Variants in TM9SF2 observed in about 807,000 individuals in gnomAD.
The protein encoded by TM9SF2 is 76 kDa membrane protein.
A neutral mutation model predicts 84.9 loss-of-function variants in TM9SF2; 13 were observed. That is an observed-to-expected ratio of 0.15 (90% confidence interval 0.10 to 0.24). The LOEUF (loss-of-function observed/expected upper bound fraction) is 0.24. Among genes scored for constraint, TM9SF2 ranks in the 10% least tolerant of loss-of-function variants. The pLI, the probability that TM9SF2 is intolerant of heterozygous loss-of-function variation, is 1.00. For missense variants in TM9SF2, 562 were observed against 818.5 expected, an observed-to-expected ratio of 0.69 and a Z score of 3.82; for synonymous variants, 273 against 285.8, an observed-to-expected ratio of 0.96 and a Z score of 0.45.
chr13:99,530,369 A>G (rs1485552806), intron 4 of TM9SF2, among the ~76,000 whole-genome samples: 2 of 152,252 alleles, frequency 1.3e-5, no homozygotes, highest in African/African-American at 2.4e-5. Flanking sequence ...GCTTGCAGTG[A>G]GCTGAGATCG....
chr13:99,517,491 A>G (rs2046139710), intron 1 of TM9SF2, 123 bp from the exon 2 acceptor site: 3 of 566,812 alleles, frequency 5.3e-6, no homozygotes, highest in African/African-American at 2.0e-5. Context: ...GAATTGTTTA[A>G]AGTTGACTGG....
chr13:99,516,251 T>C (rs1262089067), intron 1 of TM9SF2, among the ~76,000 whole-genome samples: 1 of 152,188 alleles, frequency 6.6e-6, no homozygotes, highest in African/African-American at 2.4e-5. Flanking sequence ...TGATTTGTTT[T>C]GATTGTACAC....
At chr13:99,518,879 G>A (rs1487586175) in intron 2 of TM9SF2, among the ~76,000 whole-genome samples, 1 of 151,274 alleles carries the variant, frequency 6.6e-6, no homozygotes, top group African/African-American at 2.4e-5. Flanking sequence ...CTCCCAAGGT[G>A]CTGGGATTAC....
chr13:99,506,044 G>A (rs1261952410), intron 1 of TM9SF2, among the ~76,000 whole-genome samples: 1 of 152,074 alleles, frequency 6.6e-6, no homozygotes, highest in Non-Finnish European at 1.5e-5. Context: ...AAATGAATTA[G>A]TTTAACAACT....
At chr13:99,528,861 A>G (rs1426933599) in intron 3 of TM9SF2, among the ~76,000 whole-genome samples, 1 of 152,200 alleles carries the variant, frequency 6.6e-6, no homozygotes, top group Non-Finnish European at 1.5e-5. Context: ...GAAGTGAACC[A>G]TGCCATTTTT....
chr13:99,516,490 C>T (rs1295619832), intron 1 of TM9SF2, among the ~76,000 whole-genome samples: 1 of 152,236 alleles, frequency 6.6e-6, no homozygotes, highest in East Asian at 1.9e-4. Flanking sequence ...GCACACGTGA[C>T]TTGCTGGCTT....
At chr13:99,504,777 A>T (rs1170523317) in intron 1 of TM9SF2, among the ~76,000 whole-genome samples, 1 of 151,922 alleles carries the variant, frequency 6.6e-6, no homozygotes, top group South Asian at 2.1e-4. Context: ...TTTTTAACTT[A>T]TTTTACATGT....
chr13:99,534,538 G>A (rs1199110781), intron 4 of TM9SF2, among the ~76,000 whole-genome samples: 1 of 152,174 alleles, frequency 6.6e-6, no homozygotes, highest in African/African-American at 2.4e-5. Flanking sequence ...TTTGCTTTGG[G>A]CTGTAATTTT....
chr13:99,526,413 T>G (rs1014901763), intron 3 of TM9SF2, among the ~76,000 whole-genome samples: 1 of 152,206 alleles, frequency 6.6e-6, no homozygotes, highest in African/African-American at 2.4e-5. Context: ...AAGATGGAGA[T>G]ACTGTTGAGC....
At chr13:99,501,919 C>A in intron 1 of TM9SF2, 142 bp downstream of exon 1, 3 of 1,197,282 alleles carry the variant, frequency 2.5e-6, no homozygotes, top group Non-Finnish European at 2.3e-6. Flanking sequence ...CTTTTGGGGT[C>A]TGCTGGGCTG....
intron 6 of TM9SF2, among the ~76,000 whole-genome samples, chr13:99,538,913 AAAC>A (rs1342140814): frequency 6.6e-6 from 1 of 151,426 alleles, no homozygotes; most frequent in Admixed American, 6.6e-5. Context: ...ACAAAACAAA[AAAC>A]AAAAAAGGCC....
At chr13:99,557,051 A>G (rs2046327755) in intron 15 of TM9SF2, among the ~76,000 whole-genome samples, 1 of 152,186 alleles carries the variant, frequency 6.6e-6, no homozygotes, top group Non-Finnish European at 1.5e-5. Context: ...GTATATATCT[A>G]GGAGTGGAAT....
intron 3 of TM9SF2, among the ~76,000 whole-genome samples, chr13:99,522,721 G>C (rs2046165845): frequency 6.6e-6 from 1 of 152,188 alleles, no homozygotes; most frequent in African/African-American, 2.4e-5. Context: ...GTCCCTAGCA[G>C]GAAACAGAAG....
intron 2 of TM9SF2, among the ~76,000 whole-genome samples, 163 bp downstream of exon 2, chr13:99,517,844 T>G (rs926069622): frequency 1.9e-5 from 2 of 104,184 alleles, no homozygotes; most frequent in African/African-American, 6.9e-5. Flanking sequence ...TTTTAATGTT[T>G]CTTTGTAATA....
intron 9 of TM9SF2, among the ~76,000 whole-genome samples, chr13:99,542,141 C>T (rs534591108): frequency 7.1e-6 from 1 of 141,622 alleles, no homozygotes; most frequent in South Asian, 2.4e-4. Context: ...CAGAGCAAGA[C>T]TCTGTCTCAA....
chr13:99,541,889 C>T (rs1029994449), intron 9 of TM9SF2, among the ~76,000 whole-genome samples: 1 of 152,156 alleles, frequency 6.6e-6, no homozygotes, highest in Non-Finnish European at 1.5e-5. Flanking sequence ...GTGGCTCACA[C>T]CTGTAATCCC....
At chr13:99,519,257 T>A (rs1411214283) in intron 2 of TM9SF2, among the ~76,000 whole-genome samples, 2 of 152,082 alleles carry the variant, frequency 1.3e-5, no homozygotes, top group Non-Finnish European at 2.9e-5. Flanking sequence ...TCAGTGGATC[T>A]GTGGAGAATC....
At position 99,541,544 on chromosome 13, in the gene TM9SF2, T is replaced by C; in HGVS notation, c.909-15T>C. 6.4e-7 allele frequency: 1 copy of C among 1,571,870 alleles called. No individual in the cohort carries two copies. The highest frequency in any genetic ancestry group is 1.4e-5 in the African/African-American group (1 of 73,976). ...ATTAAGCTACAGATTACTCATGATG[T>C]GCTTATTTCTACAGCATTATGAATT... is the stretch of plus-strand genomic sequence containing the variant. On this transcript the variant is annotated splice_polypyrimidine_tract_variant and intron_variant, in intron 8 of 16. Coordinates refer to ENST00000376387, the MANE Select transcript of TM9SF2 (RefSeq NM_004800.3).
intron 13 of TM9SF2, 51 bp downstream of exon 13, chr13:99,552,377 A>T (rs1398356193): frequency 1.3e-6 from 2 of 1,543,632 alleles, no homozygotes; most frequent in Non-Finnish European, 1.8e-6. Context: ...TGCAGAAATT[A>T]GCATATGCCA....
Sources: allele counts gnomAD v4.1 joint callset (sites outside exome capture counted in the v4.1 genomes callset), GRCh38; gene constraint gnomAD v4.1.1; transcripts MANE v1.5; gene names NCBI Gene and HGNC (gene_info 2026-07-23, HGNC 2026-07-21).